Variants in DENND2B observed in about 807,000 individuals in gnomAD.
DENND2B encodes the protein DENN domain containing 2B.
In DENND2B, 32 loss-of-function variants were observed where a neutral mutation model predicts 116.0. The ratio of observed to expected loss-of-function variants is 0.28; its 90% CI spans 0.21 to 0.37. The LOEUF (loss-of-function observed/expected upper bound fraction) is 0.37. Ranked by LOEUF, DENND2B falls within the 10% of genes least tolerant of loss-of-function variation. The pLI is 1.00. For synonymous variants in DENND2B, 588 were observed against 583.9 expected (o/e 1.01, Z -0.10); for missense variants, 1,276 against 1,477.7 (o/e 0.86, Z 2.24).
At chr11:8,853,225 T>C (rs1240106158) in intron 3 of DENND2B, among the ~76,000 whole-genome samples, 1 of 151,916 alleles carries the variant, frequency 6.6e-6, no homozygotes, top group Non-Finnish European at 1.5e-5. Flanking sequence ...TAGCCGGGCG[T>C]GGTGGCACAC....
At chr11:8,803,214 G>A (rs537583218) in intron 1 of DENND2B, among the ~76,000 whole-genome samples, 15 of 151,856 alleles carry the variant, frequency 9.9e-5, no homozygotes, top group South Asian at 2.1e-4. Context: ...GTGAAACCCC[G>A]TCTCTACTAA....
chr11:8,864,327 A>C (rs572486831), intron 2 of DENND2B, among the ~76,000 whole-genome samples: 1 of 152,246 alleles, frequency 6.6e-6, no homozygotes, highest in East Asian at 1.9e-4. Flanking sequence ...GAGTGTAGTG[A>C]CACAATCTCG....
chr11:8,809,711 T>G (rs2061212877), intron 1 of DENND2B: 1 of 152,118 alleles, frequency 6.6e-6, no homozygotes, highest in Non-Finnish European at 1.5e-5. Context: ...GCCCTGAGAT[T>G]TGGTCAAAAT....
chr11:8,907,321 A>G (rs1268630739), intron 1 of DENND2B, among the ~76,000 whole-genome samples: 1 of 152,168 alleles, frequency 6.6e-6, no homozygotes. Flanking sequence ...AGTTCTCACC[A>G]GTGGCTTTCA....
At chr11:8,718,643 G>C (rs1818625090) in intron 4 of DENND2B, 1 of 1,292,326 alleles carries the variant, frequency 7.7e-7, no homozygotes, top group Admixed American at 3.6e-5. Context: ...CTGTGACACA[G>C]GGGAGGTGTG....
At chr11:8,829,271 C>T (rs559945679) in intron 4 of DENND2B, among the ~76,000 whole-genome samples, 11 of 151,996 alleles carry the variant, frequency 7.2e-5, no homozygotes, top group African/African-American at 2.2e-4. Context: ...ACATCAGAGC[C>T]GTCACTGCAA....
At chr11:8,888,976 G>A (rs1350400051) in intron 1 of DENND2B, among the ~76,000 whole-genome samples, 1 of 152,036 alleles carries the variant, frequency 6.6e-6, no homozygotes, top group Non-Finnish European at 1.5e-5. Context: ...GTACACTCTT[G>A]GTGGGAATAT....
intron 3 of DENND2B, among the ~76,000 whole-genome samples, chr11:8,857,035 G>T (rs1030469583): frequency 6.6e-6 from 1 of 152,126 alleles, no homozygotes; most frequent in African/African-American, 2.4e-5. Context: ...TTACAGGTAT[G>T]AGCCACTGCA....
chr11:8,730,047 T>A lies in DENND2B; in HGVS notation c.1243A>T (p.Thr415Ser). Residue 415 changes from threonine to serine, a missense_variant, in exon 3 of 20, where the codon ACA becomes TCA. By Grantham distance (58) the Thr-to-Ser change is moderately conservative. This residue lies in a region of DENND2B where 856 missense variants were observed against 846.6 expected (regional missense o/e 1.01). Coordinates refer to ENST00000313726, the MANE Select transcript of DENND2B (RefSeq NM_213618.2). This position sits in a 1 kb window ranked among gnomAD's most constrained non-coding sequence, Gnocchi z 4.1. Reference protein sequence around the residue: ...KPSNGLPPSPTPAAPPPLPST... With the variant: ...KPSNGLPPSPSPAAPPPLPST... ...GGCAAGGGAGGTGGAGCAGCAGGTG[T>A]GGGTGAAGGAGGTAGACCATTACTG... The A allele has an allele frequency of 6.2e-7, 1 of 1,613,986 alleles. No homozygotes were observed. Among genetic ancestry groups the A allele is most frequent in the Non-Finnish European group, 8.5e-7 (1 of 1,179,984 alleles).
At chr11:8,786,889 C>T (rs2058962149) in intron 1 of DENND2B, among the ~76,000 whole-genome samples, 1 of 152,134 alleles carries the variant, frequency 6.6e-6, no homozygotes, top group African/African-American at 2.4e-5. Context: ...TTCTTCGGTG[C>T]TGATGTTATT....
rs1411830226 is a variant in DENND2B at position 8,792,189 on chromosome 11, AG to A, written c.-26+18327del. ...CATTGCACTCCAGCCTGGGCAACAG[AG>A]TGAGACGCTATCTCACACACACACA... On this transcript the variant is annotated intron_variant, in intron 1 of 19. Coordinates refer to ENST00000313726, the MANE Select transcript of DENND2B (RefSeq NM_213618.2). Among the ~76,000 whole-genome samples, 5 of 152,244 alleles carry A rather than the reference AG, an allele frequency of 3.3e-5. No homozygotes were observed. The East Asian group carries it at 9.6e-4, about 29-fold the overall frequency.
rs190993462 is a variant in DENND2B, at chr11:8,903,215, C to T, written c.-256+7606G>A. On this transcript the variant is annotated intron_variant, in intron 1 of 22. Transcript: ENST00000534127. ...TATTTTTTGAGACAGAGTTTCACTC[C>T]AGCATAGGCCAACATGGTGAAACCC... 1.4e-3 allele frequency among the ~76,000 whole-genome samples: 207 copies of T among 151,956 alleles called. 1 individual carries two copies. The highest frequency in any genetic ancestry group is 4.7e-3 in the African/African-American group (196 of 41,454).
At chr11:8,740,229 A>G (rs1364954258) in intron 2 of DENND2B, among the ~76,000 whole-genome samples, 1 of 151,962 alleles carries the variant, frequency 6.6e-6, no homozygotes, top group Non-Finnish European at 1.5e-5. Context: ...GAAAAGAAAA[A>G]GCATCATGTG....
intron 16 of DENND2B, chr11:8,697,985 A>G (rs188302493): frequency 4.5e-6 from 2 of 444,602 alleles, no homozygotes; most frequent in East Asian, 1.3e-4. Flanking sequence ...CACACAAAAA[A>G]ACAATTAGTC....
At chr11:8,875,184 G>A (rs937285799), upstream of DENND2B, among the ~76,000 whole-genome samples, 21 of 151,868 alleles carry the variant, frequency 1.4e-4, no homozygotes, top group African/African-American at 3.9e-4. Flanking sequence ...TTAGCCGGGC[G>A]TGGTGGTGGG....
At chr11:8,705,629 C>G (rs1385645237) in intron 13 of DENND2B, among the ~76,000 whole-genome samples, 1 of 152,082 alleles carries the variant, frequency 6.6e-6, no homozygotes, top group African/African-American at 2.4e-5. Flanking sequence ...CACATTTGGA[C>G]TCTTGCTCTT....
At chr11:8,842,591 T>A (rs1529641) in intron 3 of DENND2B, among the ~76,000 whole-genome samples, 1 of 152,086 alleles carries the variant, frequency 6.6e-6, no homozygotes, top group Admixed American at 6.5e-5. Context: ...CAATCTGCCC[T>A]GCGCAAACAC....
chr11:8,711,292 G>C lies in DENND2B; in HGVS notation c.2173-61C>G, dbSNP rs1254576660. ...CCTGAGGGCGGGTGGTGGTGGCTGAGAAGCCCCTCCTCCCCTGAGGGCCCT... is the reference window on the plus strand; with the variant it reads ...CCTGAGGGCGGGTGGTGGTGGCTGACAAGCCCCTCCTCCCCTGAGGGCCCT... On this transcript the variant is annotated intron_variant, in intron 9 of 19. Coordinates refer to ENST00000313726, the MANE Select transcript of DENND2B (RefSeq NM_213618.2). The C allele has an allele frequency of 1.3e-5, 20 of 1,483,916 alleles. No individual in the cohort carries two copies. The South Asian group carries it at 1.5e-4, about 11-fold the overall frequency. The allele number at this position is 1,483,916 out of a possible 1,614,324, so 91.9% of individuals were successfully genotyped here.
chr11:8,788,249 T>G (rs1481628975), intron 1 of DENND2B, among the ~76,000 whole-genome samples: 1 of 152,176 alleles, frequency 6.6e-6, no homozygotes. Flanking sequence ...TTGGGGTTAC[T>G]ATGCAAAGGG....
Sources: allele counts gnomAD v4.1 joint callset (sites outside exome capture counted in the v4.1 genomes callset), GRCh38; gene constraint gnomAD v4.1.1; regional missense constraint gnomAD v4.1.1; non-coding constraint Gnocchi (gnomAD v3.1); transcripts MANE v1.5; gene names NCBI Gene and HGNC (gene_info 2026-07-23, HGNC 2026-07-21).